The following FAM107B variants were observed in gnomAD, a reference collection of about 807,000 sequenced individuals.
The protein encoded by FAM107B is protein FAM107B.
FAM107B carries 21 observed loss-of-function variants against 31.5 expected under a neutral mutation model. The observed-to-expected ratio is 0.67, with a 90% confidence interval of 0.47 to 0.96. FAM107B has a LOEUF of 0.96. FAM107B is among the 40% of genes least tolerant of loss of function. The pLI, the probability that FAM107B is intolerant of heterozygous loss-of-function variation, is 0.00. For missense variants in FAM107B, 452 were observed against 377.1 expected (o/e 1.20, Z -1.64); for synonymous variants, 157 against 141.5 (o/e 1.11, Z -0.78).
chr10:14,669,756 G>A (rs1854497882), intron 1 of FAM107B, among the ~76,000 whole-genome samples: 1 of 152,216 alleles, frequency 6.6e-6, no homozygotes, highest in Non-Finnish European at 1.5e-5. Context: ...AAAGTAGAAT[G>A]ATAGTTACCA....
intron 2 of FAM107B, among the ~76,000 whole-genome samples, chr10:14,611,778 G>A (rs975914189): frequency 2.6e-5 from 4 of 151,520 alleles, no homozygotes; most frequent in Admixed American, 1.3e-4. Context: ...AGTTCATCTC[G>A]TCTGGAGCTC....
At chr10:14,680,479 C>G (rs992553245) in intron 1 of FAM107B, among the ~76,000 whole-genome samples, 5 of 150,986 alleles carry the variant, frequency 3.3e-5, no homozygotes, top group African/African-American at 1.2e-4. Flanking sequence ...GAGGCTGAGG[C>G]AGGAGAATCG....
At chr10:14,659,150 G>T (rs1854153682) in intron 2 of FAM107B, among the ~76,000 whole-genome samples, 2 of 152,190 alleles carry the variant, frequency 1.3e-5, no homozygotes, top group South Asian at 4.2e-4. Flanking sequence ...CCCTCAAACT[G>T]TCTGCCCTGG....
intron 1 of FAM107B, among the ~76,000 whole-genome samples, chr10:14,731,026 A>T (rs1215841078): frequency 6.6e-6 from 1 of 152,180 alleles, no homozygotes; most frequent in Admixed American, 6.5e-5. Flanking sequence ...GACTGGAATC[A>T]GGGAGAGGGC....
intron 1 of FAM107B, among the ~76,000 whole-genome samples, chr10:14,729,809 C>A (rs986738162): frequency 3.3e-5 from 5 of 152,152 alleles, no homozygotes; most frequent in African/African-American, 1.2e-4. Context: ...CAATGATAGA[C>A]CGGATTAAGA....
At chr10:14,730,465 T>C (rs1259045752) in intron 1 of FAM107B, among the ~76,000 whole-genome samples, 1 of 152,054 alleles carries the variant, frequency 6.6e-6, no homozygotes, top group Non-Finnish European at 1.5e-5. Flanking sequence ...AGCAAGAGCA[T>C]TAGGAAGCCC....
intron 2 of FAM107B, among the ~76,000 whole-genome samples, chr10:14,633,365 GTTTTCAAATACCAC>G (rs1234380198): frequency 6.6e-6 from 1 of 152,074 alleles, no homozygotes; most frequent in Non-Finnish European, 1.5e-5. Flanking sequence ...TAGACTCCTG[GTTTTCAAATACCAC>G]TATACAAGAT....
At chr10:14,618,419 A>C (rs538981561) in intron 2 of FAM107B, among the ~76,000 whole-genome samples, 1 of 152,182 alleles carries the variant, frequency 6.6e-6, no homozygotes, top group Admixed American at 6.5e-5. Context: ...CTTGGGTAAA[A>C]ACCTAGGAGT....
At chr10:14,529,093 A>G (rs1026584156) in intron 3 of FAM107B, among the ~76,000 whole-genome samples, 2 of 152,192 alleles carry the variant, frequency 1.3e-5, no homozygotes, top group African/African-American at 4.8e-5. Flanking sequence ...TAAACTGACG[A>G]GCTTTCCACC....
Position 14,581,541 on chromosome 10 carries a change from T to A in FAM107B, c.470-51026A>T, listed in dbSNP as rs181959677. On this transcript the variant is annotated intron_variant, in intron 2 of 4. Coordinates refer to ENST00000181796, the MANE Select transcript of FAM107B (RefSeq NM_031453.4). ...CCACAGCCTCATCCAGCCATCAGGA[T>A]GTTCCCAGCAGACATCTAATTCTGG... Among the ~76,000 whole-genome samples the A allele has an allele frequency of 2.4e-3, 368 of 152,348 alleles. 1 individual carries two copies. Among genetic ancestry groups the A allele is most frequent in the African/African-American group, 8.4e-3 (348 of 41,586 alleles).
chr10:14,674,041 A>G (rs1489604176), intron 1 of FAM107B, among the ~76,000 whole-genome samples: 1 of 152,170 alleles, frequency 6.6e-6, no homozygotes, highest in Non-Finnish European at 1.5e-5. Flanking sequence ...AAAAGAGGGC[A>G]TCCACATGCA....
intron 3 of FAM107B, chr10:14,529,896 T>C (rs911903535): frequency 6.2e-6 from 1 of 160,514 alleles, no homozygotes; most frequent in African/African-American, 2.4e-5. Flanking sequence ...TCTAATATGG[T>C]TCTAGAGACT....
chr10:14,650,486 A>C (rs748306457), intron 2 of FAM107B, among the ~76,000 whole-genome samples: 1 of 152,122 alleles, frequency 6.6e-6, no homozygotes, highest in Non-Finnish European at 1.5e-5. Flanking sequence ...GGGTTTCACC[A>C]TGTTGGCCAG....
chr10:14,720,955 A>G (rs1855896635), intron 1 of FAM107B, among the ~76,000 whole-genome samples: 1 of 151,900 alleles, frequency 6.6e-6, no homozygotes, highest in African/African-American at 2.4e-5. Context: ...TTAATTCATC[A>G]TTTACATTAG....
At chr10:14,706,018 C>A (rs949105215) in intron 1 of FAM107B, among the ~76,000 whole-genome samples, 1 of 152,184 alleles carries the variant, frequency 6.6e-6, no homozygotes, top group African/African-American at 2.4e-5. Context: ...AGCTATCAGG[C>A]AAATTAACAT....
At chr10:14,612,928 G>A (rs142043915) in intron 2 of FAM107B, among the ~76,000 whole-genome samples, 16 of 152,144 alleles carry the variant, frequency 1.1e-4, no homozygotes, top group South Asian at 2.1e-4. Context: ...AATACAAGTC[G>A]CTACAAAGTG....
At chr10:14,736,941 G>A (rs919279840) in intron 1 of FAM107B, among the ~76,000 whole-genome samples, 8 of 152,186 alleles carry the variant, frequency 5.3e-5, no homozygotes, top group African/African-American at 1.2e-4. Context: ...ATAGGAAGCC[G>A]ACACCAGGCG....
At chr10:14,725,992 AT>A (rs200256526) in intron 1 of FAM107B, among the ~76,000 whole-genome samples, 48 of 145,812 alleles carry the variant, frequency 3.3e-4, no homozygotes, top group East Asian at 2.2e-3. Flanking sequence ...CACCCGGCTA[AT>A]TTTTTTTTTT....
At chr10:14,677,634 G>C in intron 1 of FAM107B, among the ~76,000 whole-genome samples, 1 of 143,234 alleles carries the variant, frequency 7.0e-6, no homozygotes, top group African/African-American at 2.5e-5. Context: ...AAACAAAAAA[G>C]AAAAAAAAAA....
Sources: allele counts gnomAD v4.1 joint callset (sites outside exome capture counted in the v4.1 genomes callset), GRCh38; gene constraint gnomAD v4.1.1; transcripts MANE v1.5; gene names NCBI Gene and HGNC (gene_info 2026-07-23, HGNC 2026-07-21).